The following AFAP1L2 variants were observed in gnomAD, a reference collection of about 807,000 sequenced individuals.
AFAP1L2 encodes the protein actin filament-associated protein 1-like 2.
In AFAP1L2, 46 loss-of-function variants were observed where a neutral mutation model predicts 99.3. The ratio of observed to expected loss-of-function variants is 0.46; its 90% CI spans 0.37 to 0.59. AFAP1L2 has a LOEUF of 0.59. AFAP1L2 is among the 20% of genes least tolerant of loss of function. AFAP1L2 has a pLI of 0.00. For synonymous variants in AFAP1L2, 397 were observed against 419.1 expected, an observed-to-expected ratio of 0.95 and a Z score of 0.64; for missense variants, 959 against 1,034.9, an observed-to-expected ratio of 0.93 and a Z score of 1.01.
chr10:114,335,608 G>A (rs1052019335), intron 2 of AFAP1L2, among the ~76,000 whole-genome samples: 3 of 82,024 alleles, frequency 3.7e-5, no homozygotes, highest in Non-Finnish European at 6.2e-5. Context: ...GCAAGACTCC[G>A]TCTCAAAAAA....
intron 1 of AFAP1L2, 97 bp from the exon 2 acceptor site, chr10:114,340,828 C>T (rs768526809): frequency 2.9e-5 from 45 of 1,548,850 alleles, no homozygotes; most frequent in Non-Finnish European, 3.9e-5. Context: ...CACCTCGAAC[C>T]CTCTGGTCCC....
At chr10:114,366,523 C>T (rs1363754375) in intron 1 of AFAP1L2, among the ~76,000 whole-genome samples, 1 of 152,174 alleles carries the variant, frequency 6.6e-6, no homozygotes, top group African/African-American at 2.4e-5. Context: ...CACACTTCAA[C>T]TAGAGTTGTA....
chr10:114,307,113 G>A (rs757031644), intron 10 of AFAP1L2, among the ~76,000 whole-genome samples: 21 of 152,154 alleles, frequency 1.4e-4, no homozygotes, highest in South Asian at 8.3e-4. Context: ...AAGGCTTGTC[G>A]CTCCTCCTAA....
chr10:114,301,629 C>G (rs1038427267), intron 12 of AFAP1L2, 164 bp from the exon 13 acceptor site: 15 of 593,730 alleles, frequency 2.5e-5, no homozygotes, highest in Non-Finnish European at 4.2e-5. Flanking sequence ...CACCTCCTCC[C>G]TCTTTTCCCA....
chr10:114,298,582 C>T lies in AFAP1L2; in HGVS notation c.2113+678G>A, dbSNP rs117182599. Among the ~76,000 whole-genome samples the T allele has an allele frequency of 7.0e-3, 1,059 of 152,000 alleles. 4 individuals are homozygous for T. Among genetic ancestry groups the T allele is most frequent in the Middle Eastern group, 0.01 (3 of 290 alleles). On this transcript the variant is annotated intron_variant, in intron 16 of 18. Transcript: ENST00000304129. ...GGTTGCAGCTGGGCATGGTGGCTCA[C>T]GCTCACACCTGTAATCCCAGCACTT...
At chr10:114,318,382 G>T (rs2044482276) in intron 5 of AFAP1L2, among the ~76,000 whole-genome samples, 1 of 152,084 alleles carries the variant, frequency 6.6e-6, no homozygotes, top group Admixed American at 6.6e-5. Flanking sequence ...TCCTCCATGG[G>T]GGTATTAGGA....
chr10:114,295,737 A>C lies in AFAP1L2; in HGVS notation c.*305T>G. On this transcript the variant is annotated 3_prime_UTR_variant, in exon 19 of 19. Coordinates refer to ENST00000304129, the MANE Select transcript of AFAP1L2 (RefSeq NM_001001936.3). The stretch of plus-strand genomic sequence containing the variant: ...AACAGGAGGTTTTCACTATTTAAAA[A>C]TCTTAGTAAAGCAATTGATGACAAC... The C allele has an allele frequency of 1.5e-5, 17 of 1,118,884 alleles. No homozygotes were observed. The highest frequency in any genetic ancestry group is 1.9e-5 in the Non-Finnish European group (17 of 914,588). 69.3% of individuals were successfully genotyped at this position (1,118,884 alleles called of 1,614,324 possible). A position where few individuals can be genotyped will look rare whatever the true frequency, so the allele number is the denominator to read the frequency against.
the AFAP1L2 span, chr10:114,286,352 C>G: frequency 6.2e-7 from 1 of 1,613,636 alleles, no homozygotes; most frequent in Non-Finnish European, 8.5e-7. Context: ...CGCAAGGGCG[C>G]GAGAGCTGCT....
intron 5 of AFAP1L2, among the ~76,000 whole-genome samples, chr10:114,316,980 C>G (rs914223495): frequency 2.0e-5 from 3 of 152,230 alleles, no homozygotes; most frequent in African/African-American, 7.2e-5. Flanking sequence ...CCCTGACTTC[C>G]GCATGGCAGT....
intron 1 of AFAP1L2, among the ~76,000 whole-genome samples, chr10:114,365,249 C>A (rs1485569830): frequency 6.6e-6 from 1 of 152,084 alleles, no homozygotes; most frequent in Admixed American, 6.6e-5. Flanking sequence ...CTTCCATTCC[C>A]AACCCAACAC....
At chr10:114,297,920 C>G (rs143201623) in intron 16 of AFAP1L2, among the ~76,000 whole-genome samples, 1 of 152,298 alleles carries the variant, frequency 6.6e-6, no homozygotes, top group African/African-American at 2.4e-5. Context: ...ATCCTAGAAG[C>G]TCACTGCTGG....
chr10:114,317,988 C>A (rs963006622), intron 5 of AFAP1L2, among the ~76,000 whole-genome samples: 1 of 152,174 alleles, frequency 6.6e-6, no homozygotes, highest in African/African-American at 2.4e-5. Flanking sequence ...GTCCATGCAA[C>A]TGTAATCATT....
intron 4 of AFAP1L2, among the ~76,000 whole-genome samples, chr10:114,327,497 T>A (rs1481196047): frequency 6.6e-6 from 1 of 151,898 alleles, no homozygotes; most frequent in Non-Finnish European, 1.5e-5. Flanking sequence ...AAACTTTGAC[T>A]GTTTGGAGGA....
intron 1 of AFAP1L2, among the ~76,000 whole-genome samples, chr10:114,390,720 CAAAAAA>C (rs59448495): frequency 1.1e-5 from 1 of 89,828 alleles, no homozygotes; most frequent in Non-Finnish European, 2.3e-5. Context: ...GACTCTGTCT[CAAAAAA>C]AAAAAAAAAA....
chr10:114,366,317 C>G (rs867435194), intron 1 of AFAP1L2, among the ~76,000 whole-genome samples: 1 of 152,162 alleles, frequency 6.6e-6, no homozygotes, highest in South Asian at 2.1e-4. Context: ...AGGAATTCCA[C>G]AGCAGACACC....
At chr10:114,311,808 T>C (rs1227707052) in intron 7 of AFAP1L2, among the ~76,000 whole-genome samples, 1 of 152,230 alleles carries the variant, frequency 6.6e-6, no homozygotes, top group African/African-American at 2.4e-5. Flanking sequence ...ATCTCCCGTT[T>C]ACTGTCATAT....
chr10:114,295,218 A>G lies in AFAP1L2; in HGVS notation c.*824T>C, dbSNP rs900981850. ...CCTTAAAAATGGCCTGACCACAGCA[A>G]TGAATCTGTAAACACAGAGTAATAT... On this transcript the variant is annotated 3_prime_UTR_variant, in exon 19 of 19. Transcript: ENST00000304129. 4.1e-6 allele frequency: 4 copies of G among 985,710 alleles called. No individual in the cohort carries two copies. The highest frequency in any genetic ancestry group is 4.8e-6 in the Non-Finnish European group (4 of 829,894). The allele number at this position is 985,710 out of a possible 1,614,324, so 61.1% of individuals were successfully genotyped here.
Position 114,300,242 on chromosome 10 carries a change from G to C in AFAP1L2, c.1909C>G (p.Pro637Ala). Residue 637 changes from proline (P) to alanine (A), a missense_variant, in exon 15 of 19, where the codon CCT becomes GCT. This residue lies in a region of AFAP1L2 where 576 missense variants were observed against 562.1 expected (regional missense o/e 1.02). Transcript: ENST00000304129. ...TCCTTCACAGGTGGGCTGGCACCAG[G>C]TGGGGTGGCCACCACGGCATCCGGG... is the stretch of plus-strand genomic sequence containing the variant. ...SCPDAVVATP[P>A]GASPPVKDRL... The C allele has an allele frequency of 6.2e-7, 1 of 1,614,138 alleles. No homozygotes were observed. Among genetic ancestry groups the C allele is most frequent in the Non-Finnish European group, 8.5e-7 (1 of 1,180,028 alleles).
chr10:114,329,417 C>G (rs965216051), intron 4 of AFAP1L2, among the ~76,000 whole-genome samples: 1 of 152,198 alleles, frequency 6.6e-6, no homozygotes, highest in Non-Finnish European at 1.5e-5. Context: ...TCACACAGTA[C>G]GCGGTGCTCA....
Sources: allele counts gnomAD v4.1 joint callset (sites outside exome capture counted in the v4.1 genomes callset), GRCh38; gene constraint gnomAD v4.1.1; regional missense constraint gnomAD v4.1.1; transcripts MANE v1.5; gene names NCBI Gene and HGNC (gene_info 2026-07-23, HGNC 2026-07-21).